Variants in YPEL1 observed in about 807,000 individuals in gnomAD.
YPEL1 encodes protein yippee-like 1.
Under a neutral mutation model 17.3 loss-of-function variants are expected in YPEL1, and 7 were observed. The observed-to-expected ratio is 0.40, with a 90% CI of 0.23 to 0.76. YPEL1 has a LOEUF of 0.76. Ranked by LOEUF, YPEL1 falls within the 30% of genes least tolerant of loss-of-function variation. YPEL1 has a pLI of 0.35. For synonymous variants in YPEL1, 59 were observed against 59.6 expected (o/e 0.99, Z 0.05); for missense variants, 91 against 155.5 (o/e 0.59, Z 2.21).
intron 1 of YPEL1, among the ~76,000 whole-genome samples, chr22:21,713,551 G>A (rs1328183584): frequency 6.6e-6 from 1 of 152,152 alleles, no homozygotes; most frequent in Non-Finnish European, 1.5e-5. Flanking sequence ...TAGAGTAGTG[G>A]GACTCAGAGA....
At chr22:21,709,783 G>T (rs1337171900) in intron 2 of YPEL1, among the ~76,000 whole-genome samples, 1 of 150,780 alleles carries the variant, frequency 6.6e-6, no homozygotes, top group East Asian at 1.9e-4. Context: ...ATGGGGGGAG[G>T]TCATGACCTA....
At chr22:21,708,277 T>C (rs1837677341) in intron 2 of YPEL1, among the ~76,000 whole-genome samples, 1 of 151,834 alleles carries the variant, frequency 6.6e-6, no homozygotes, top group Non-Finnish European at 1.5e-5. Context: ...TCAGCACTTT[T>C]TTTCATCCTG....
intron 1 of YPEL1, among the ~76,000 whole-genome samples, chr22:21,730,058 G>A (rs920190837): frequency 1.3e-5 from 2 of 151,726 alleles, no homozygotes; most frequent in African/African-American, 2.4e-5. Flanking sequence ...AGGCTGAGGC[G>A]GGAGAACTGC....
At chr22:21,724,583 T>G (rs967807024) in intron 1 of YPEL1, among the ~76,000 whole-genome samples, 3 of 151,428 alleles carry the variant, frequency 2.0e-5, no homozygotes, top group Admixed American at 6.6e-5. Flanking sequence ...TTTTTTTTTT[T>G]TTTTGTTTTT....
intron 1 of YPEL1, among the ~76,000 whole-genome samples, chr22:21,723,778 G>A (rs904338085): frequency 6.6e-6 from 1 of 150,414 alleles, no homozygotes; most frequent in African/African-American, 2.5e-5. Context: ...CGATTCTCCT[G>A]CCTAAGCCTC....
At chr22:21,720,813 G>GT (rs60040471) in intron 1 of YPEL1, among the ~76,000 whole-genome samples, 26,385 of 120,340 alleles carry the variant, frequency 0.22, 3,388 homozygotes, top group South Asian at 0.29. Flanking sequence ...GGCCGATTTT[G>GT]TTTTTTTTTT....
intron 1 of YPEL1, among the ~76,000 whole-genome samples, chr22:21,726,241 G>A (rs1406220288): frequency 1.3e-5 from 2 of 152,216 alleles, no homozygotes; most frequent in Non-Finnish European, 2.9e-5. Context: ...GCAGCCTGCT[G>A]TGGCCCCAAG....
chr22:21,721,004 T>C (rs1198068417), intron 1 of YPEL1, among the ~76,000 whole-genome samples: 31 of 140,780 alleles, frequency 2.2e-4, no homozygotes, highest in South Asian at 2.3e-4. Context: ...AGAGATGGTG[T>C]TTCACCATGT....
Position 21,731,331 on chromosome 22 carries a change from C to CAA in YPEL1, c.-165+4282_-165+4283dup, listed in dbSNP as rs35487299. Among the ~76,000 whole-genome samples the CAA allele has an allele frequency of 2.7e-3, 376 of 141,598 alleles. 1 individual carries two copies. Among genetic ancestry groups the CAA allele is most frequent in the African/African-American group, 8.5e-3 (331 of 38,806 alleles). The allele number at this position is 141,598 out of a possible 152,430, so 92.9% of individuals were successfully genotyped here. A position where few individuals can be genotyped will look rare whatever the true frequency, so the allele number is the denominator to read the frequency against. ...TGGATGACAGAGTGAGACCCTGTGT[C>CAA]AAAAAAAAAAAAGAAAGAAAAGGGG... On this transcript the variant is annotated intron_variant, in intron 1 of 4. Coordinates refer to ENST00000339468, the MANE Select transcript of YPEL1 (RefSeq NM_013313.5).
chr22:21,721,367 C>CGCA (rs1431905477), intron 1 of YPEL1, among the ~76,000 whole-genome samples: 1 of 151,996 alleles, frequency 6.6e-6, no homozygotes, highest in Non-Finnish European at 1.5e-5. Context: ...ATCTGCCCGC[C>CGCA]GCAGCCTCCC....
At chr22:21,715,420 G>A (rs2068211541) in intron 1 of YPEL1, among the ~76,000 whole-genome samples, 1 of 151,786 alleles carries the variant, frequency 6.6e-6, no homozygotes, top group African/African-American at 2.4e-5. Flanking sequence ...CTTGAACCCG[G>A]GAGGCGGAGG....
At chr22:21,702,229 G>A (rs897847298) in intron 4 of YPEL1, among the ~76,000 whole-genome samples, 1 of 152,208 alleles carries the variant, frequency 6.6e-6, no homozygotes, top group Admixed American at 6.5e-5. Flanking sequence ...AGCAGGAAGC[G>A]GGTGCAGCCA....
intron 1 of YPEL1, among the ~76,000 whole-genome samples, chr22:21,714,046 G>A (rs9607194): frequency 0.13 from 17,310 of 130,924 alleles, 1,217 homozygotes; most frequent in Non-Finnish European, 0.18. Context: ...ACCCCCCACC[G>A]CCCCCCACCC....
intron 1 of YPEL1, among the ~76,000 whole-genome samples, chr22:21,734,821 G>A (rs753581972): frequency 1.3e-5 from 2 of 152,190 alleles, no homozygotes; most frequent in African/African-American, 2.4e-5. Flanking sequence ...TGGGACCTGA[G>A]TAGGGAATTA....
intron 1 of YPEL1, among the ~76,000 whole-genome samples, chr22:21,721,257 C>T (rs547837700): frequency 4.6e-4 from 69 of 150,660 alleles, no homozygotes; most frequent in South Asian, 2.5e-3. Context: ...GGATTACAGG[C>T]GTGTGCCACC....
chr22:21,702,558 T>C (rs2068075967), intron 4 of YPEL1, among the ~76,000 whole-genome samples: 1 of 151,446 alleles, frequency 6.6e-6, no homozygotes, highest in Non-Finnish European at 1.5e-5. Context: ...TCCCAGCACT[T>C]TGGGAGGCTG....
At chr22:21,714,744 T>G (rs1344194200) in intron 1 of YPEL1, among the ~76,000 whole-genome samples, 1 of 152,194 alleles carries the variant, frequency 6.6e-6, no homozygotes, top group East Asian at 1.9e-4. Context: ...CCTGCTGATC[T>G]TTATCCCGCC....
intron 1 of YPEL1, among the ~76,000 whole-genome samples, chr22:21,715,421 G>A (rs1185709927): frequency 6.6e-6 from 1 of 151,722 alleles, no homozygotes; most frequent in Non-Finnish European, 1.5e-5. Flanking sequence ...TTGAACCCGG[G>A]AGGCGGAGGC....
chr22:21,733,006 C>T (rs1233251440), intron 1 of YPEL1, among the ~76,000 whole-genome samples: 1 of 152,138 alleles, frequency 6.6e-6, no homozygotes, highest in Non-Finnish European at 1.5e-5. Context: ...GTCCCAGCTA[C>T]TCAGAAGGCT....
Sources: allele counts gnomAD v4.1 joint callset (sites outside exome capture counted in the v4.1 genomes callset), GRCh38; gene constraint gnomAD v4.1.1; transcripts MANE v1.5; gene names NCBI Gene and HGNC (gene_info 2026-07-23, HGNC 2026-07-21).